CSTF3: variants seen among roughly 807,000 people sequenced by gnomAD.
CSTF3 encodes the protein CF-1 77 kDa subunit.
A neutral mutation model predicts 105.8 loss-of-function variants in CSTF3; 29 were observed. The ratio of observed to expected loss-of-function variants is 0.27; its 90% CI spans 0.20 to 0.37. CSTF3 has a LOEUF of 0.37. Among genes scored for constraint, CSTF3 ranks in the 10% least tolerant of loss-of-function variants. CSTF3 has a pLI of 1.00. For synonymous variants in CSTF3, 252 were observed against 281.9 expected, an observed-to-expected ratio of 0.89 and a Z score of 1.06; for missense variants, 357 against 879.3, an observed-to-expected ratio of 0.41 and a Z score of 7.51.
At chr11:33,153,713 A>C (rs1849819129) in intron 1 of CSTF3, among the ~76,000 whole-genome samples, 1 of 31,082 alleles carries the variant, frequency 3.2e-5, no homozygotes, top group Non-Finnish European at 1.8e-4. Flanking sequence ...TAAAACAGAC[A>C]AAAAAAAAAA....
At chr11:33,132,701 T>C (rs1186045466) in intron 3 of CSTF3, among the ~76,000 whole-genome samples, 1 of 152,224 alleles carries the variant, frequency 6.6e-6, no homozygotes, top group Non-Finnish European at 1.5e-5. Context: ...AACTATTTCC[T>C]TTAAAGTGCT....
chr11:33,094,960 G>A lies in CSTF3; in HGVS notation c.1375+1346C>T, dbSNP rs550649591. ...GTTGCCCAGGCTGGAGTACAATGGC[G>A]CAATCTCGGCTCACCGCAGCCTCCC... On this transcript the variant is annotated intron_variant, in intron 15 of 20. Transcript: ENST00000323959. Among the ~76,000 whole-genome samples the A allele has an allele frequency of 1.2e-4, 18 of 152,058 alleles. No individual in the cohort carries two copies. In the South Asian group the frequency reaches 2.7e-3, roughly 23 times the overall value.
chr11:33,093,368 A>G (rs960371339), intron 15 of CSTF3, among the ~76,000 whole-genome samples: 4 of 152,052 alleles, frequency 2.6e-5, no homozygotes, highest in Non-Finnish European at 5.9e-5. Flanking sequence ...CTGCCTGCCT[A>G]TGTGTTGTGC....
rs1486309664 is a variant in CSTF3 at position 33,106,075 on chromosome 11, C to T, written c.357-11G>A. The T allele has an allele frequency of 2.5e-6, 4 of 1,606,798 alleles. No individual in the cohort carries two copies. Among genetic ancestry groups the T allele is most frequent in the Non-Finnish European group, 3.4e-6 (4 of 1,175,136 alleles). On this transcript the variant is annotated splice_polypyrimidine_tract_variant and intron_variant, in intron 5 of 20. Coordinates refer to ENST00000323959, the MANE Select transcript of CSTF3 (RefSeq NM_001326.3). ...TGAGCCATTTTTTCTCTGAAATGAA[C>T]ATGAAAGACGTGGTTTTTAAATTTT...
At chr11:33,132,215 TTAAA>T (rs1855606614) in intron 3 of CSTF3, among the ~76,000 whole-genome samples, 2 of 152,164 alleles carry the variant, frequency 1.3e-5, no homozygotes, top group African/African-American at 2.4e-5. Context: ...CTGCATTTCT[TTAAA>T]TAAATGAAGA....
At chr11:33,123,718 AATAG>A (rs1435951619) in intron 3 of CSTF3, among the ~76,000 whole-genome samples, 1 of 152,134 alleles carries the variant, frequency 6.6e-6, no homozygotes, top group Admixed American at 6.5e-5. Flanking sequence ...AACAAAATGT[AATAG>A]ATATTTATTA....
chr11:33,137,963 A>T (rs1855672081), intron 3 of CSTF3, among the ~76,000 whole-genome samples: 1 of 151,788 alleles, frequency 6.6e-6, no homozygotes, highest in Non-Finnish European at 1.5e-5. Flanking sequence ...TAGGACACTC[A>T]TGTTGCATCC....
chr11:33,092,069 A>G (rs1368851760), intron 16 of CSTF3, among the ~76,000 whole-genome samples: 1 of 152,034 alleles, frequency 6.6e-6, no homozygotes, highest in Non-Finnish European at 1.5e-5. Context: ...CATCTCTTAA[A>G]AACAATTCTA....
At chr11:33,125,184 A>G (rs1183828128) in intron 3 of CSTF3, among the ~76,000 whole-genome samples, 3 of 152,018 alleles carry the variant, frequency 2.0e-5, no homozygotes, top group Non-Finnish European at 2.9e-5. Context: ...TCCCTTTCAT[A>G]TTTTCCATCT....
rs1306232358 is a variant in CSTF3, at chr11:33,108,535, TTC to T, written c.226-119_226-118del. The T allele has an allele frequency of 1.2e-5, 8 of 695,116 alleles. No homozygotes were observed. The South Asian group carries it at 2.0e-4, about 18-fold the overall frequency. 43.1% of individuals were successfully genotyped at this position (695,116 alleles called of 1,614,324 possible). ...CATCCCTATAGTTTCTTATTAATTT[TTC>T]TGTTACTTTCAAAAATAACAGAAGT... On this transcript the variant is annotated intron_variant, in intron 3 of 20. Coordinates refer to ENST00000323959, the MANE Select transcript of CSTF3 (RefSeq NM_001326.3).
intron 10 of CSTF3, among the ~76,000 whole-genome samples, chr11:33,101,141 G>A (rs1248656998): frequency 6.6e-6 from 1 of 152,100 alleles, no homozygotes; most frequent in Non-Finnish European, 1.5e-5. Flanking sequence ...GCACTTCTGG[G>A]ATAGCTAGAA....
intron 4 of CSTF3, 54 bp downstream of exon 4, chr11:33,108,332 T>C (rs1855346762): frequency 6.6e-6 from 9 of 1,363,006 alleles, no homozygotes; most frequent in Non-Finnish European, 7.8e-6. Context: ...GTCTTATACA[T>C]ACTAGGTTTT....
chr11:33,136,747 T>C (rs553902240), intron 3 of CSTF3, among the ~76,000 whole-genome samples: 10 of 152,038 alleles, frequency 6.6e-5, no homozygotes, highest in African/African-American at 2.4e-4. Flanking sequence ...GCTTACATGT[T>C]TGTGTTGATT....
intron 3 of CSTF3, among the ~76,000 whole-genome samples, chr11:33,120,246 A>G (rs531997870): frequency 6.6e-6 from 1 of 151,766 alleles, no homozygotes; most frequent in Non-Finnish European, 1.5e-5. Context: ...TATAGACTAA[A>G]TAACACAAAA....
rs1855256044 is a variant in CSTF3, at chr11:33,099,270, T to TACACACATATATATGTATCCACAC, written c.937-144_937-121dup. 1.7e-6 allele frequency: 2 copies of TACACACATATATATGTATCCACAC among 1,185,496 alleles called. No individual in the cohort carries two copies. The highest frequency in any genetic ancestry group is 1.5e-5 in the South Asian group (1 of 65,656). The allele number at this position is 1,185,496 out of a possible 1,614,324, so 73.4% of individuals were successfully genotyped here. ...GTGTCTAAGAAAGCATACATGTATG[T>TACACACATATATATGTATCCACAC]ACACACATATATATGTATCCACACA... is the stretch of plus-strand genomic sequence containing the variant. On this transcript the variant is annotated intron_variant, in intron 11 of 20. Transcript: ENST00000323959. The surrounding 1 kb of genome is among the most constrained non-coding windows in gnomAD (Gnocchi z 4.1).
At chr11:33,136,591 TG>T (rs1855655740) in intron 3 of CSTF3, among the ~76,000 whole-genome samples, 1 of 151,992 alleles carries the variant, frequency 6.6e-6, no homozygotes, top group Non-Finnish European at 1.5e-5. Context: ...CTGGTCCTTT[TG>T]TTTTATAAAG....
intron 3 of CSTF3, among the ~76,000 whole-genome samples, chr11:33,125,827 A>T (rs982719432): frequency 2.0e-5 from 3 of 152,164 alleles, no homozygotes; most frequent in Non-Finnish European, 2.9e-5. Context: ...AAAACAGTTT[A>T]GGCATTCTGC....
intron 3 of CSTF3, among the ~76,000 whole-genome samples, chr11:33,133,007 C>G (rs1303802403): frequency 6.6e-6 from 1 of 151,608 alleles, no homozygotes; most frequent in African/African-American, 2.4e-5. Context: ...GTTTTCTTCC[C>G]CATATGATTT....
chr11:33,153,879 T>C (rs1048556046), intron 1 of CSTF3, among the ~76,000 whole-genome samples: 4 of 152,206 alleles, frequency 2.6e-5, no homozygotes, highest in East Asian at 1.9e-4. Flanking sequence ...GACTGAAAGA[T>C]TTAAGACGAT....
Sources: gnomAD v4.1 joint callset for allele counts (sites outside exome capture counted in the v4.1 genomes callset) on GRCh38, gnomAD v4.1.1 for gene constraint, Gnocchi (gnomAD v3.1) non-coding constraint, MANE v1.5 for transcripts, NCBI Gene and HGNC (gene_info 2026-07-23, HGNC 2026-07-21) for gene names.